The following WFDC10B variants were observed in gnomAD, a reference collection of about 807,000 sequenced individuals.
The protein encoded by WFDC10B is protein WFDC10B.
WFDC10B carries 1 observed loss-of-function variant against 2.7 expected under a neutral mutation model. That is an observed-to-expected ratio of 0.38 (90% CI 0.13 to 1.79). The LOEUF (loss-of-function observed/expected upper bound fraction) is 1.79, where lower values mean the gene tolerates loss of function less well. WFDC10B is among the 40% of genes most tolerant of loss of function. The pLI is 0.33. For synonymous variants in WFDC10B, 26 were observed against 32.2 expected (o/e 0.81, Z 0.65); for missense variants, 71 against 87.8 (o/e 0.81, Z 0.76).
intron 3 of WFDC10B, among the ~76,000 whole-genome samples, chr20:45,685,360 C>A (rs1293602146): frequency 6.6e-6 from 1 of 152,058 alleles, no homozygotes; most frequent in Non-Finnish European, 1.5e-5. Flanking sequence ...AGAAGATGAA[C>A]TTGCCTCTCA....
chr20:45,704,884 C>T, intron 1 of WFDC10B, 34 bp downstream of exon 1: 9 of 1,607,884 alleles, frequency 5.6e-6, no homozygotes, highest in Non-Finnish European at 7.7e-6. Flanking sequence ...CTTCCCCCGA[C>T]CCAGAATCCA....
intron 2 of WFDC10B, 128 bp downstream of exon 2, chr20:45,704,369 C>T (rs1467432356): frequency 6.5e-7 from 1 of 1,534,364 alleles, no homozygotes; most frequent in Admixed American, 2.0e-5. Flanking sequence ...CCTGGCAGTT[C>T]CCTGGGCTTT....
At chr20:45,704,884 C>A (rs540485841) in intron 1 of WFDC10B, 34 bp downstream of exon 1, 53 of 1,607,766 alleles carry the variant, frequency 3.3e-5, no homozygotes, top group Non-Finnish European at 4.3e-5. Flanking sequence ...CTTCCCCCGA[C>A]CCAGAATCCA....
intron 2 of WFDC10B, among the ~76,000 whole-genome samples, chr20:45,686,540 G>A (rs6017647): frequency 1.1e-3 from 93 of 81,942 alleles, no homozygotes; most frequent in Non-Finnish European, 1.3e-3. Context: ...TAATTTTTTT[G>A]GGGGGGGGCG....
chr20:45,689,683 A>T (rs551818875), intron 2 of WFDC10B, among the ~76,000 whole-genome samples: 1 of 152,168 alleles, frequency 6.6e-6, no homozygotes, highest in African/African-American at 2.4e-5. Flanking sequence ...ATTTTTGAAC[A>T]TTGATTTTCT....
chr20:45,687,865 T>TATTATTA (rs918808944), intron 2 of WFDC10B, among the ~76,000 whole-genome samples: 3 of 140,302 alleles, frequency 2.1e-5, no homozygotes, highest in African/African-American at 7.5e-5. Flanking sequence ...TTTCTTTTAT[T>TATTATTA]ATTATTATTA....
chr20:45,704,387 C>T, intron 2 of WFDC10B, 110 bp downstream of exon 2: 2 of 1,563,642 alleles, frequency 1.3e-6, no homozygotes, highest in South Asian at 2.4e-5. Flanking sequence ...TTTCTGAGTT[C>T]TGAACATTAC....
At chr20:45,685,002 A>G (rs1983561841) in intron 3 of WFDC10B, 42 bp from the exon 4 acceptor site, 2 of 1,610,680 alleles carry the variant, frequency 1.2e-6, no homozygotes, top group Non-Finnish European at 1.7e-6. Context: ...CCATGCACCT[A>G]TAGAGCAGCC....
Position 45,684,960 on chromosome 20 carries a change from C to T in WFDC10B, c.92G>A (p.Arg31Lys), listed in dbSNP as rs1983559538. Residue 31 changes from arginine to lysine, a missense_variant and splice_region_variant, in exon 4 of 4, where the codon AGA (arginine) becomes AAA (lysine). Transcript: ENST00000330523. Reference protein sequence around the residue: ...GGYRDKMRMQRIKVCEKRPSI... With the variant: ...GGYRDKMRMQKIKVCEKRPSI... ...GGGTCGCTTCTCACAGACCTTGATTCCTGAAATGATGCAGGAGCAGGGTCA... is the reference window on the plus strand; with the variant it reads ...GGGTCGCTTCTCACAGACCTTGATTTCTGAAATGATGCAGGAGCAGGGTCA... The T allele has an allele frequency of 6.2e-7, 1 of 1,613,622 alleles. No homozygotes were observed. The highest frequency in any genetic ancestry group is 1.1e-5 in the South Asian group (1 of 91,042).
chr20:45,696,838 CA>C (rs1360035593), intron 2 of WFDC10B, among the ~76,000 whole-genome samples: 4 of 152,188 alleles, frequency 2.6e-5, no homozygotes, highest in African/African-American at 9.6e-5. Flanking sequence ...CTATACCAAA[CA>C]TTTTTTTATT....
chr20:45,693,040 C>G (rs1424956864), intron 2 of WFDC10B, among the ~76,000 whole-genome samples: 1 of 152,182 alleles, frequency 6.6e-6, no homozygotes, highest in African/African-American at 2.4e-5. Flanking sequence ...AGTTTTCCTT[C>G]TAACAGACAG....
At chr20:45,702,262 G>T in intron 2 of WFDC10B, 1 of 1,542,306 alleles carries the variant, frequency 6.5e-7, no homozygotes, top group South Asian at 1.2e-5. Context: ...GTGGATAGGA[G>T]AGGATCTGAG....
At chr20:45,703,353 T>C (rs1984250202) in intron 2 of WFDC10B, among the ~76,000 whole-genome samples, 1 of 152,210 alleles carries the variant, frequency 6.6e-6, no homozygotes, top group Admixed American at 6.5e-5. Flanking sequence ...AGCTTGAACC[T>C]CAGCTTCTTT....
At chr20:45,686,464 C>A (rs891778252) in intron 2 of WFDC10B, among the ~76,000 whole-genome samples, 15 of 151,734 alleles carry the variant, frequency 9.9e-5, no homozygotes, top group African/African-American at 3.6e-4. Context: ...TGTTACCTAC[C>A]GTCTGCCACC....
In WFDC10B at chr20:45,704,948, A is replaced by G. The variant is rs201340238; in HGVS notation, c.-160T>C. ...GGTGTAACCAAAATCCCAAAGCAAA[A>G]TTTGTCCTACACTTTTGCTTGCCCT... On this transcript the variant is annotated 5_prime_UTR_variant, in exon 1 of 4. Coordinates refer to ENST00000330523, the MANE Select transcript of WFDC10B (RefSeq NM_172006.2). 3 of 1,613,914 alleles carry G rather than the reference A, an allele frequency of 1.9e-6. No individual in the cohort carries two copies. The highest frequency in any genetic ancestry group is 4.5e-5 in the East Asian group (2 of 44,862).
At chr20:45,696,004 C>T (rs928731208) in intron 2 of WFDC10B, among the ~76,000 whole-genome samples, 2 of 151,298 alleles carry the variant, frequency 1.3e-5, no homozygotes, top group Non-Finnish European at 2.9e-5. Context: ...AAAAAGAGCA[C>T]GGCCAGGCGC....
At chr20:45,696,241 G>A (rs150772561) in intron 2 of WFDC10B, among the ~76,000 whole-genome samples, 7,851 of 145,712 alleles carry the variant, frequency 0.054, 291 homozygotes, top group African/African-American at 0.1. Context: ...AGCCAAGATC[G>A]CGCCACTGCA....
intron 2 of WFDC10B, among the ~76,000 whole-genome samples, chr20:45,695,576 A>G (rs68074252): frequency 0.34 from 51,463 of 152,098 alleles, 8,806 homozygotes; most frequent in South Asian, 0.46. Flanking sequence ...CTCCAGCCAC[A>G]ATGGAACAAA....
chr20:45,693,107 G>T (rs1314811429), intron 2 of WFDC10B, among the ~76,000 whole-genome samples: 1 of 152,192 alleles, frequency 6.6e-6, no homozygotes, highest in Non-Finnish European at 1.5e-5. Flanking sequence ...GACCCTGTTT[G>T]CCTGGGTATC....
Sources: gnomAD v4.1 joint callset for allele counts (sites outside exome capture counted in the v4.1 genomes callset) on GRCh38, gnomAD v4.1.1 for gene constraint, MANE v1.5 for transcripts, NCBI Gene and HGNC (gene_info 2026-07-23, HGNC 2026-07-21) for gene names.